Variants in TTC29 observed in about 807,000 individuals in gnomAD.
TTC29 encodes tetratricopeptide repeat protein 29.
A neutral mutation model predicts 58.1 loss-of-function variants in TTC29; 49 were observed. That is an observed-to-expected ratio of 0.84 (90% CI 0.67 to 1.07). The LOEUF (loss-of-function observed/expected upper bound fraction) is 1.07. TTC29 is among the 50% of genes least tolerant of loss of function. The probability of loss-of-function intolerance (pLI) is 0.00; values close to 1 mark genes in which losing one functional copy is unlikely to be tolerated. For synonymous variants in TTC29, 209 were observed against 196.8 expected, an observed-to-expected ratio of 1.06 and a Z score of -0.52; for missense variants, 582 against 555.6, an observed-to-expected ratio of 1.05 and a Z score of -0.48.
intron 6 of TTC29, among the ~76,000 whole-genome samples, chr4:146,876,722 G>T (rs1355932038): frequency 6.6e-6 from 1 of 152,076 alleles, no homozygotes; most frequent in African/African-American, 2.4e-5. Flanking sequence ...GGACCACGAG[G>T]TCAGGAGTTC....
At chr4:146,893,259 C>G (rs1353890878) in intron 6 of TTC29, among the ~76,000 whole-genome samples, 1 of 152,168 alleles carries the variant, frequency 6.6e-6, no homozygotes, top group East Asian at 1.9e-4. Context: ...CTGGAGGCAT[C>G]ATGCTACCTG....
At chr4:146,825,186 G>T (rs951891193) in intron 9 of TTC29, among the ~76,000 whole-genome samples, 1 of 152,066 alleles carries the variant, frequency 6.6e-6, no homozygotes, top group African/African-American at 2.4e-5. Flanking sequence ...TCTTTTAATT[G>T]TGAGGTTAGC....
At chr4:146,892,076 T>C (rs1032349447) in intron 6 of TTC29, among the ~76,000 whole-genome samples, 23 of 152,142 alleles carry the variant, frequency 1.5e-4, no homozygotes, top group African/African-American at 5.6e-4. Flanking sequence ...TCCTCAGTGT[T>C]GGAGGAGGTA....
intron 11 of TTC29, among the ~76,000 whole-genome samples, chr4:146,780,691 C>T (rs1748527551): frequency 6.6e-6 from 1 of 151,568 alleles, no homozygotes; most frequent in Non-Finnish European, 1.5e-5. Flanking sequence ...AAAGTACACA[C>T]ACACACACAT....
At chr4:146,798,208 G>A (rs1391481397) in intron 11 of TTC29, among the ~76,000 whole-genome samples, 3 of 152,046 alleles carry the variant, frequency 2.0e-5, no homozygotes, top group Non-Finnish European at 2.9e-5. Flanking sequence ...TAAAGTATAT[G>A]AAGAGGAATA....
At chr4:146,783,876 T>A (rs1444294279) in intron 11 of TTC29, among the ~76,000 whole-genome samples, 1 of 152,090 alleles carries the variant, frequency 6.6e-6, no homozygotes, top group Non-Finnish European at 1.5e-5. Context: ...GAGAGAACTA[T>A]GGGATCCACA....
At chr4:146,852,921 C>T (rs1165582315) in intron 8 of TTC29, among the ~76,000 whole-genome samples, 1 of 151,912 alleles carries the variant, frequency 6.6e-6, no homozygotes, top group Non-Finnish European at 1.5e-5. Context: ...TTATTTTTTA[C>T]TTTATGAATT....
At chr4:146,782,870 A>G (rs1023562225) in intron 11 of TTC29, among the ~76,000 whole-genome samples, 1 of 152,064 alleles carries the variant, frequency 6.6e-6, no homozygotes, top group African/African-American at 2.4e-5. Context: ...AGTTTTAATC[A>G]TCAAATAAGC....
intron 11 of TTC29, among the ~76,000 whole-genome samples, chr4:146,734,906 C>T (rs1744606529): frequency 6.6e-6 from 1 of 151,758 alleles, no homozygotes. Flanking sequence ...CACGTGGTCA[C>T]CCATGGTATG....
intron 5 of TTC29, among the ~76,000 whole-genome samples, chr4:146,907,765 G>A (rs981990915): frequency 6.6e-6 from 1 of 152,162 alleles, no homozygotes; most frequent in African/African-American, 2.4e-5. Flanking sequence ...CTCCCAAAGT[G>A]CTAGAATTAC....
chr4:146,830,770 T>C (rs762013940), intron 9 of TTC29, among the ~76,000 whole-genome samples: 88 of 151,780 alleles, frequency 5.8e-4, no homozygotes, highest in Non-Finnish European at 3.8e-4. Context: ...TTTGTGTTTA[T>C]ATGTGTGGGT....
intron 4 of TTC29, among the ~76,000 whole-genome samples, chr4:146,932,666 A>C (rs1257611015): frequency 6.6e-6 from 1 of 152,168 alleles, no homozygotes; most frequent in Admixed American, 6.5e-5. Flanking sequence ...ATAAAAACCT[A>C]ATCTGCAAAA....
At chr4:146,938,984 G>T (rs977493795) in intron 3 of TTC29, among the ~76,000 whole-genome samples, 4 of 152,128 alleles carry the variant, frequency 2.6e-5, no homozygotes, top group Admixed American at 2.6e-4. Context: ...TTTCCTCAGT[G>T]ACAATTTGAG....
At chr4:146,898,426 T>C (rs926759237) in intron 6 of TTC29, among the ~76,000 whole-genome samples, 13 of 152,196 alleles carry the variant, frequency 8.5e-5, no homozygotes, top group African/African-American at 2.7e-4. Context: ...CAACAATAAA[T>C]TTAAGGATCT....
intron 6 of TTC29, among the ~76,000 whole-genome samples, chr4:146,898,646 CA>C (rs1732935008): frequency 2.0e-5 from 3 of 152,194 alleles, no homozygotes; most frequent in Admixed American, 2.0e-4. Context: ...TGAACATATT[CA>C]GTAACTTGGG....
chr4:146,816,959 G>C (rs1751451796), intron 10 of TTC29, among the ~76,000 whole-genome samples: 1 of 152,172 alleles, frequency 6.6e-6, no homozygotes, highest in Non-Finnish European at 1.5e-5. Flanking sequence ...GTCTGGCAAA[G>C]GGGAATTGTT....
chr4:146,908,966 T>TC (rs1733707401), intron 5 of TTC29, 60 bp downstream of exon 5: 116 of 1,417,616 alleles, frequency 8.2e-5, no homozygotes, highest in Non-Finnish European at 1.1e-4. Flanking sequence ...TCTGGAATCT[T>TC]CCCCCAGGAG....
At chr4:146,920,804 T>A (rs1286563488) in intron 4 of TTC29, among the ~76,000 whole-genome samples, 1 of 151,052 alleles carries the variant, frequency 6.6e-6, no homozygotes. Flanking sequence ...GAAATCTGTA[T>A]GTCTTGGGTG....
chr4:146,792,196 C>T (rs1039096851), intron 11 of TTC29, among the ~76,000 whole-genome samples: 1 of 152,176 alleles, frequency 6.6e-6, no homozygotes, highest in African/African-American at 2.4e-5. Context: ...GCTTCCATAG[C>T]TAGAGAGGAG....
Sources: allele counts gnomAD v4.1 joint callset (sites outside exome capture counted in the v4.1 genomes callset), GRCh38; gene constraint gnomAD v4.1.1; transcripts MANE v1.5; gene names NCBI Gene and HGNC (gene_info 2026-07-23, HGNC 2026-07-21).